The following ARHGAP26 variants were observed in gnomAD, a reference collection of about 807,000 sequenced individuals.
The protein encoded by ARHGAP26 is rho GTPase-activating protein 26.
ARHGAP26 carries 38 observed loss-of-function variants against 104.8 expected under a neutral mutation model. That is an observed-to-expected ratio of 0.36 (90% CI 0.28 to 0.48). The LOEUF is 0.48. Among genes scored for constraint, ARHGAP26 ranks in the 20% least tolerant of loss-of-function variants. ARHGAP26 has a pLI of 0.99. For missense variants in ARHGAP26, 704 were observed against 947.9 expected, an observed-to-expected ratio of 0.74 and a Z score of 3.38; for synonymous variants, 341 against 340.0, an observed-to-expected ratio of 1.00 and a Z score of -0.03.
chr5:142,778,377 C>A (rs916595585), intron 1 of ARHGAP26, among the ~76,000 whole-genome samples: 10 of 152,106 alleles, frequency 6.6e-5, no homozygotes, highest in Non-Finnish European at 1.5e-4. Context: ...TGTAAAAGCA[C>A]CCCCTTTTCC....
At chr5:143,089,005 G>A (rs183300652) in intron 17 of ARHGAP26, among the ~76,000 whole-genome samples, 4 of 152,238 alleles carry the variant, frequency 2.6e-5, no homozygotes, top group Admixed American at 2.0e-4. Flanking sequence ...TCAGGGTGGA[G>A]CAGGTAATTG....
chr5:142,963,647 C>T (rs1024449611), intron 11 of ARHGAP26, among the ~76,000 whole-genome samples: 1 of 152,136 alleles, frequency 6.6e-6, no homozygotes, highest in African/African-American at 2.4e-5. Context: ...TAAATGTCAC[C>T]TGTGCCTTCT....
chr5:142,864,611 T>C (rs1213865371), intron 1 of ARHGAP26, among the ~76,000 whole-genome samples: 1 of 152,204 alleles, frequency 6.6e-6, no homozygotes, highest in Non-Finnish European at 1.5e-5. Context: ...GCTTAATTGT[T>C]ATGGTAATTA....
intron 17 of ARHGAP26, among the ~76,000 whole-genome samples, chr5:143,074,371 G>A (rs993293499): frequency 4.6e-5 from 7 of 152,062 alleles, no homozygotes; most frequent in African/African-American, 1.7e-4. Flanking sequence ...ATCTATTTCA[G>A]TCTGTCTGGT....
At chr5:142,913,781 G>A (rs984458068) in intron 10 of ARHGAP26, among the ~76,000 whole-genome samples, 3 of 152,104 alleles carry the variant, frequency 2.0e-5, no homozygotes, top group African/African-American at 7.2e-5. Flanking sequence ...GTGTGTGTGC[G>A]TGCCCAGGAA....
intron 20 of ARHGAP26, among the ~76,000 whole-genome samples, chr5:143,182,966 C>T (rs1025654439): frequency 6.6e-6 from 1 of 151,020 alleles, no homozygotes; most frequent in Non-Finnish European, 1.5e-5. Flanking sequence ...CAGCAGGCCC[C>T]GTGGTTGTCT....
intron 14 of ARHGAP26, among the ~76,000 whole-genome samples, chr5:143,048,883 A>G (rs1262737086): frequency 6.7e-6 from 1 of 149,108 alleles, no homozygotes; most frequent in Non-Finnish European, 1.5e-5. Context: ...ATTGCACTCC[A>G]GCCTGGGTAA....
At chr5:143,176,618 G>T (rs1803512586) in intron 20 of ARHGAP26, among the ~76,000 whole-genome samples, 1 of 152,172 alleles carries the variant, frequency 6.6e-6, no homozygotes, top group South Asian at 2.1e-4. Flanking sequence ...CCCCAGGGTA[G>T]CTTAGAGACA....
intron 20 of ARHGAP26, among the ~76,000 whole-genome samples, chr5:143,159,240 A>G (rs757887053): frequency 2.0e-4 from 31 of 152,238 alleles, no homozygotes; most frequent in Admixed American, 3.3e-4. Flanking sequence ...CCCATTGGTG[A>G]ACCCAACAGG....
chr5:142,925,477 G>T (rs1013854224), intron 10 of ARHGAP26, among the ~76,000 whole-genome samples: 3 of 152,162 alleles, frequency 2.0e-5, no homozygotes, highest in African/African-American at 7.2e-5. Flanking sequence ...ACATGGAAAA[G>T]GTGTCATTCT....
intron 17 of ARHGAP26, among the ~76,000 whole-genome samples, chr5:143,059,693 A>G (rs979233888): frequency 3.9e-5 from 6 of 152,118 alleles, no homozygotes; most frequent in African/African-American, 1.4e-4. Flanking sequence ...ATTTAAGGCA[A>G]TTTTATTTTT....
intron 7 of ARHGAP26, among the ~76,000 whole-genome samples, chr5:142,902,686 A>G (rs1039886968): frequency 2.0e-5 from 3 of 152,184 alleles, no homozygotes; most frequent in African/African-American, 7.2e-5. Context: ...TCTTGTGTCC[A>G]TGTGGGTTGT....
intron 20 of ARHGAP26, among the ~76,000 whole-genome samples, chr5:143,187,777 G>A (rs1319923008): frequency 6.6e-6 from 1 of 152,224 alleles, no homozygotes; most frequent in Admixed American, 6.5e-5. Context: ...AGTGACAGGG[G>A]AGTGTCCAGC....
At chr5:142,984,675 G>A (rs1774414348) in intron 11 of ARHGAP26, among the ~76,000 whole-genome samples, 1 of 151,998 alleles carries the variant, frequency 6.6e-6, no homozygotes, top group African/African-American at 2.4e-5. Flanking sequence ...ACATACCACT[G>A]TGGTCCCATA....
chr5:142,913,399 CCCTCCTTCCTTTCCTTCTCCCCCTG>C (rs975963609), intron 10 of ARHGAP26, 106 bp downstream of exon 10: 11 of 941,628 alleles, frequency 1.2e-5, no homozygotes, highest in South Asian at 2.9e-5. Flanking sequence ...TTCTCCCCCT[CCCTCCTTCCTTTCCTTCTCCCCCTG>C]CCTCCTTCCT....
chr5:143,075,531 T>C (rs1026528223), intron 17 of ARHGAP26, among the ~76,000 whole-genome samples: 2 of 152,160 alleles, frequency 1.3e-5, no homozygotes, highest in African/African-American at 4.8e-5. Flanking sequence ...TCACTGGGCC[T>C]CACTCAAGAT....
chr5:142,793,271 TTTTA>T (rs1760251236), intron 1 of ARHGAP26, among the ~76,000 whole-genome samples: 1 of 151,024 alleles, frequency 6.6e-6, no homozygotes, highest in Admixed American at 6.6e-5. Flanking sequence ...TTTTTTTTTT[TTTTA>T]ATCTATCTTT....
intron 1 of ARHGAP26, among the ~76,000 whole-genome samples, chr5:142,836,528 A>T (rs1180135304): frequency 1.3e-5 from 2 of 152,216 alleles, no homozygotes; most frequent in African/African-American, 4.8e-5. Context: ...CCATGCACTC[A>T]GTCTGAAGTA....
intron 11 of ARHGAP26, among the ~76,000 whole-genome samples, chr5:142,978,322 G>C (rs972593377): frequency 6.6e-6 from 1 of 152,126 alleles, no homozygotes; most frequent in African/African-American, 2.4e-5. Flanking sequence ...GTGATGAGGA[G>C]GTATGAGATA....
Sources: gnomAD v4.1 joint callset for allele counts (sites outside exome capture counted in the v4.1 genomes callset) on GRCh38, gnomAD v4.1.1 for gene constraint, MANE v1.5 for transcripts, NCBI Gene and HGNC (gene_info 2026-07-23, HGNC 2026-07-21) for gene names.